CAMTA1: variants seen among roughly 807,000 people sequenced by gnomAD.
CAMTA1 encodes the protein calmodulin binding transcription activator 1.
CAMTA1 carries 27 observed loss-of-function variants against 170.9 expected under a neutral mutation model. The observed-to-expected ratio is 0.16, with a 90% CI of 0.12 to 0.22. The LOEUF is 0.22. Ranked by LOEUF, CAMTA1 falls within the 10% of genes least tolerant of loss-of-function variation. CAMTA1 has a pLI of 1.00. For synonymous variants in CAMTA1, 833 were observed against 891.5 expected, an observed-to-expected ratio of 0.93 and a Z score of 1.17; for missense variants, 1,619 against 2,217.2, an observed-to-expected ratio of 0.73 and a Z score of 5.42.
At chr1:7,319,642 A>G (rs1463317289) in intron 5 of CAMTA1, among the ~76,000 whole-genome samples, 1 of 152,186 alleles carries the variant, frequency 6.6e-6, no homozygotes, top group Non-Finnish European at 1.5e-5. Context: ...GGAAACACAT[A>G]CTGGGCATCA....
rs1557490953 is a variant in CAMTA1 at position 7,310,662 on chromosome 1, T to TCTTTCTTC, written c.438+61043_438+61044insCCTTTCTT. Reference sequence around the variant, plus strand: ...TTTCTTTCTTTTTTCTTTCTTTCTTTCTTTCTTTCCTTTCTTTCTCTCTCT... The same window carrying TCTTTCTTC: ...TTTCTTTCTTTTTTCTTTCTTTCTTTCTTTCTTCCTTTCTTTCCTTTCTTTCTCTCTCT... On this transcript the variant is annotated intron_variant, in intron 5 of 22. Coordinates refer to ENST00000303635, the MANE Select transcript of CAMTA1 (RefSeq NM_015215.4). 5.0e-5 allele frequency among the ~76,000 whole-genome samples: 3 copies of TCTTTCTTC among 60,538 alleles called. 1 individual carries two copies. Among genetic ancestry groups the TCTTTCTTC allele is most frequent in the Admixed American group, 4.3e-4 (2 of 4,646 alleles). The allele number at this position is 60,538 out of a possible 152,430, so 39.7% of individuals were successfully genotyped here.
At chr1:7,655,411 TACAC>T (rs145315260) in intron 7 of CAMTA1, among the ~76,000 whole-genome samples, 1 of 146,830 alleles carries the variant, frequency 6.8e-6, no homozygotes, top group African/African-American at 2.6e-5. Context: ...CACCCACCTA[TACAC>T]ACACACCTAT....
intron 3 of CAMTA1, among the ~76,000 whole-genome samples, chr1:6,923,123 C>G (rs1682383145): frequency 6.6e-6 from 1 of 152,182 alleles, no homozygotes; most frequent in South Asian, 2.1e-4. Context: ...CATAAACTCT[C>G]TGAATTGCAG....
chr1:7,559,580 G>C (rs567963939), intron 6 of CAMTA1, among the ~76,000 whole-genome samples: 2 of 152,340 alleles, frequency 1.3e-5, no homozygotes, highest in South Asian at 4.1e-4. Flanking sequence ...CCTGCAGAAG[G>C]ACCTGCTAAT....
intron 7 of CAMTA1, among the ~76,000 whole-genome samples, chr1:7,652,878 C>T (rs2095856784): frequency 6.6e-6 from 1 of 152,194 alleles, no homozygotes; most frequent in African/African-American, 2.4e-5. Flanking sequence ...GCAGCCCCTC[C>T]TCACCCCCTA....
intron 5 of CAMTA1, among the ~76,000 whole-genome samples, chr1:7,438,005 C>T (rs2092401234): frequency 6.6e-6 from 1 of 152,202 alleles, no homozygotes; most frequent in Non-Finnish European, 1.5e-5. Flanking sequence ...GACGGGAAAT[C>T]ACAGAGGGCC....
At chr1:7,568,951 A>G (rs111203671) in intron 6 of CAMTA1, among the ~76,000 whole-genome samples, 5,348 of 151,288 alleles carry the variant, frequency 0.035, 296 homozygotes, top group African/African-American at 0.12. Flanking sequence ...CACCATCACC[A>G]TCTCCATTAT....
chr1:6,787,344 T>C (rs986605000), intron 1 of CAMTA1, among the ~76,000 whole-genome samples: 10 of 152,224 alleles, frequency 6.6e-5, no homozygotes, highest in African/African-American at 9.6e-5. Flanking sequence ...TGTTGTCTCT[T>C]GTGGGATCCA....
At chr1:6,937,536 T>TCATCA (rs1685599750) in intron 3 of CAMTA1, among the ~76,000 whole-genome samples, 1 of 34,928 alleles carries the variant, frequency 2.9e-5, no homozygotes, top group Non-Finnish European at 5.3e-5. Context: ...ACCATCACCA[T>TCATCA]TCACCACTTA....
chr1:7,608,723 C>T (rs1442833564), intron 6 of CAMTA1, among the ~76,000 whole-genome samples: 7 of 152,164 alleles, frequency 4.6e-5, no homozygotes, highest in Non-Finnish European at 4.4e-5. Flanking sequence ...AGCAGAGGCT[C>T]ACCTTGTTCT....
chr1:7,007,354 C>G lies in CAMTA1; in HGVS notation c.235-83950C>G, dbSNP rs748201470. On this transcript the variant is annotated intron_variant, in intron 3 of 22. Transcript: ENST00000303635. This position sits in a 1 kb window ranked among gnomAD's most constrained non-coding sequence, Gnocchi z 4.5. Reference sequence around the variant, plus strand: ...AGGGACCCGAAAATGGGAACCCTTGCTAAGGACACAGGCAGCTGTACGCCA... The same window carrying G: ...AGGGACCCGAAAATGGGAACCCTTGGTAAGGACACAGGCAGCTGTACGCCA... 7.2e-5 allele frequency among the ~76,000 whole-genome samples: 11 copies of G among 152,176 alleles called. No homozygotes were observed. The highest frequency in any genetic ancestry group is 7.3e-5 in the Non-Finnish European group (5 of 68,032).
intron 3 of CAMTA1, among the ~76,000 whole-genome samples, chr1:6,983,929 T>C (rs1013334380): frequency 2.0e-5 from 1 of 50,050 alleles, no homozygotes; most frequent in Non-Finnish European, 3.9e-5. Flanking sequence ...GGTAAATGGG[T>C]GGATGGGTGG....
intron 3 of CAMTA1, among the ~76,000 whole-genome samples, chr1:7,039,215 T>C (rs1373590404): frequency 6.6e-6 from 1 of 152,148 alleles, no homozygotes; most frequent in Non-Finnish European, 1.5e-5. Context: ...ACTGTTGGAG[T>C]GTGGCGTCAT....
chr1:7,677,448 C>G (rs2096133165), intron 10 of CAMTA1, 151 bp from the exon 11 acceptor site: 1 of 910,256 alleles, frequency 1.1e-6, no homozygotes, highest in Admixed American at 2.4e-5. Flanking sequence ...TGTGTTTGGG[C>G]CTCGAATGAG....
chr1:6,982,944 T>C lies in CAMTA1; in HGVS notation c.235-108360T>C, dbSNP rs141016869. On this transcript the variant is annotated intron_variant, in intron 3 of 22. Transcript: ENST00000303635. ...TCCTTGTCACTCTCCCATGAAGGAG[T>C]GAGTAGGGTGGAGGGAGGATTATTG... Among the ~76,000 whole-genome samples, 166 of 151,640 alleles carry C rather than the reference T, an allele frequency of 1.1e-3. 1 individual carries two copies. The highest frequency in any genetic ancestry group is 3.8e-3 in the African/African-American group (155 of 41,306).
intron 6 of CAMTA1, among the ~76,000 whole-genome samples, chr1:7,510,300 C>G (rs1008589450): frequency 2.1e-5 from 3 of 144,782 alleles, no homozygotes; most frequent in Admixed American, 6.9e-5. Context: ...TCTGGGTGCC[C>G]CACTCTGGGG....
At chr1:6,905,535 C>A (rs1345006345) in intron 3 of CAMTA1, among the ~76,000 whole-genome samples, 1 of 152,058 alleles carries the variant, frequency 6.6e-6, no homozygotes, top group Non-Finnish European at 1.5e-5. Flanking sequence ...TCTTGCCCCA[C>A]CCCTGCCACC....
intron 6 of CAMTA1, among the ~76,000 whole-genome samples, chr1:7,527,622 G>A (rs2094445177): frequency 1.3e-5 from 2 of 152,238 alleles, no homozygotes; most frequent in South Asian, 2.1e-4. Context: ...GCTGACCTGG[G>A]GCCTTGTATC....
chr1:7,767,856 AG>A lies in CAMTA1; in HGVS notation c.*1366del, dbSNP rs1180314058. ...ATGACTAAACTGCAAAAAAAAAAAA[AG>A]AGCTACTGTATTTAGACTTAGGAAA... On this transcript the variant is annotated 3_prime_UTR_variant, in exon 23 of 23. Transcript: ENST00000303635. 6.6e-6 allele frequency: 1 copy of A among 151,702 alleles called. No individual in the cohort carries two copies. Among genetic ancestry groups the A allele is most frequent in the Non-Finnish European group, 1.5e-5 (1 of 67,780 alleles). 9.4% of individuals were successfully genotyped at this position (151,702 alleles called of 1,614,324 possible).
Sources: gnomAD v4.1 joint callset for allele counts (sites outside exome capture counted in the v4.1 genomes callset) on GRCh38, gnomAD v4.1.1 for gene constraint, Gnocchi (gnomAD v3.1) non-coding constraint, MANE v1.5 for transcripts, NCBI Gene and HGNC (gene_info 2026-07-23, HGNC 2026-07-21) for gene names.